Variants in ACO2 observed in about 807,000 individuals in gnomAD.
ACO2 encodes aconitase 2.
Under a neutral mutation model 84.5 loss-of-function variants are expected in ACO2, and 31 were observed. The observed-to-expected ratio is 0.37, with a 90% CI of 0.28 to 0.50. The LOEUF is 0.50. Among genes scored for constraint, ACO2 ranks in the 20% least tolerant of loss-of-function variants. The pLI is 0.97. For missense variants in ACO2, 685 were observed against 1,029.3 expected (o/e 0.67, Z 4.58); for synonymous variants, 414 against 412.7 (o/e 1.00, Z -0.04).
chr22:41,523,066 T>G, intron 10 of ACO2, 79 bp downstream of exon 10: 1 of 1,583,240 alleles, frequency 6.3e-7, no homozygotes, highest in South Asian at 1.2e-5. Context: ...CCCAGAGGCC[T>G]GTTGGGCCGG....
At chr22:41,490,520 T>C (rs1240767258) in intron 1 of ACO2, among the ~76,000 whole-genome samples, 4 of 152,178 alleles carry the variant, frequency 2.6e-5, no homozygotes, top group Admixed American at 2.0e-4. Context: ...GTATGGACAA[T>C]TGGGTTGTTC....
chr22:41,469,286 C>T (rs1462667896), intron 1 of ACO2, 104 bp downstream of exon 1: 2 of 1,397,098 alleles, frequency 1.4e-6, no homozygotes, highest in East Asian at 2.5e-5. Flanking sequence ...CTGGGGCCAA[C>T]TTCTCGTGTA....
chr22:41,478,875 A>G (rs1307704933), intron 1 of ACO2, among the ~76,000 whole-genome samples: 4 of 150,838 alleles, frequency 2.7e-5, no homozygotes, highest in Admixed American at 1.3e-4. Flanking sequence ...GGCTCAAGCA[A>G]TTCTCCTGCC....
chr22:41,473,991 G>A (rs1259298093), intron 1 of ACO2, among the ~76,000 whole-genome samples: 1 of 152,134 alleles, frequency 6.6e-6, no homozygotes, highest in Non-Finnish European at 1.5e-5. Context: ...AAGCCAGGGA[G>A]TGATGTGATC....
chr22:41,527,232 CAGGTG>C, intron 15 of ACO2, 51 bp from the exon 16 acceptor site: 1 of 1,613,178 alleles, frequency 6.2e-7, no homozygotes, highest in Non-Finnish European at 8.5e-7. Flanking sequence ...TAGGGCCAGA[CAGGTG>C]AGGACGGTGC....
chr22:41,525,163 C>G, intron 13 of ACO2, 30 bp from the exon 14 acceptor site: 1 of 1,610,206 alleles, frequency 6.2e-7, no homozygotes, highest in Non-Finnish European at 8.5e-7. Flanking sequence ...GAGGACTCAG[C>G]ACCCCACGCA....
intron 9 of ACO2, 29 bp downstream of exon 9, chr22:41,520,305 C>G (rs1292170710): frequency 6.3e-7 from 1 of 1,578,130 alleles, no homozygotes; most frequent in South Asian, 1.1e-5. Context: ...ATCTGTTTAG[C>G]AGGTCTCAGG....
chr22:41,526,249 C>T lies in ACO2; in HGVS notation c.1762-13C>T. The T allele has an allele frequency of 1.9e-6, 3 of 1,609,870 alleles. No individual in the cohort carries two copies. The highest frequency in any genetic ancestry group is 2.2e-5 in the East Asian group (1 of 44,852). On this transcript the variant is annotated splice_polypyrimidine_tract_variant and intron_variant, in intron 14 of 17. Transcript: ENST00000216254. ...CATGCCCTGACCTCTGTCCTCTCTA[C>T]TTACCACCCAAGGTCAAAGGGAAGT... is the stretch of plus-strand genomic sequence containing the variant.
At chr22:41,495,283 T>A (rs2066304659) in intron 1 of ACO2, among the ~76,000 whole-genome samples, 1 of 152,216 alleles carries the variant, frequency 6.6e-6, no homozygotes, top group Non-Finnish European at 1.5e-5. Context: ...TCCTCCTGCC[T>A]CAGCCTCCCA....
In ACO2 at chr22:41,526,458, G is replaced by C. The variant is rs1219207008; in HGVS notation, c.1953+5G>C. The C allele has an allele frequency of 6.2e-7, 1 of 1,609,220 alleles. No homozygotes were observed. Among genetic ancestry groups the C allele is most frequent in the South Asian group, 1.1e-5 (1 of 90,774 alleles). ...GACACTGCCCGCTACTACAAGGTGG[G>C]TCAGAGTTGATAGGGGCAATGCCAG... On this transcript the variant is annotated splice_donor_5th_base_variant and intron_variant, in intron 15 of 17. Coordinates refer to ENST00000216254, the MANE Select transcript of ACO2 (RefSeq NM_001098.3).
intron 1 of ACO2, among the ~76,000 whole-genome samples, chr22:41,488,057 G>A (rs956193177): frequency 2.0e-5 from 3 of 152,054 alleles, no homozygotes; most frequent in Non-Finnish European, 4.4e-5. Flanking sequence ...CTACTTTTGC[G>A]CTTGATTGCT....
intron 12 of ACO2, 22 bp from the exon 13 acceptor site, chr22:41,524,820 CAACA>C (rs767589500): frequency 6.2e-7 from 1 of 1,614,086 alleles, no homozygotes; most frequent in Non-Finnish European, 8.5e-7. Flanking sequence ...TGGTGCTGAC[CAACA>C]AACTGGCCAC....
At chr22:41,477,386 C>T (rs1173793738) in intron 1 of ACO2, among the ~76,000 whole-genome samples, 1 of 151,576 alleles carries the variant, frequency 6.6e-6, no homozygotes, top group Non-Finnish European at 1.5e-5. Flanking sequence ...GTCTCAATCT[C>T]CTGACCTTGT....
At chr22:41,480,527 G>T (rs909007163) in intron 1 of ACO2, among the ~76,000 whole-genome samples, 1 of 152,118 alleles carries the variant, frequency 6.6e-6, no homozygotes, top group African/African-American at 2.4e-5. Context: ...AAAAACATCT[G>T]CCCGTAATCC....
chr22:41,528,368 G>A, intron 17 of ACO2, 111 bp from the exon 18 acceptor site: 1 of 1,463,356 alleles, frequency 6.8e-7, no homozygotes, highest in Admixed American at 2.1e-5. Context: ...GATTTGGTTT[G>A]CCTGCTGACC....
At chr22:41,472,911 A>T (rs2037963359) in intron 1 of ACO2, among the ~76,000 whole-genome samples, 1 of 152,148 alleles carries the variant, frequency 6.6e-6, no homozygotes, top group Non-Finnish European at 1.5e-5. Context: ...GTTTCATGTG[A>T]CCTTGGGGGA....
intron 1 of ACO2, among the ~76,000 whole-genome samples, chr22:41,499,367 A>G (rs2066337577): frequency 6.6e-6 from 1 of 152,160 alleles, no homozygotes; most frequent in South Asian, 2.1e-4. Context: ...TTATGGTCTT[A>G]TTTAACCTTC....
chr22:41,495,385 C>T (rs1355442281), intron 1 of ACO2, among the ~76,000 whole-genome samples: 4 of 152,012 alleles, frequency 2.6e-5, no homozygotes, highest in South Asian at 4.1e-4. Context: ...CTTGAATTCC[C>T]GGTCTCAAGC....
rs1015341667 is a variant in ACO2, at chr22:41,525,237, C to T, written c.1650C>T (p.Asp550=). ...ACACCTACCAGCACCCACCCAAGGA[C>T]AGCAGCGGGCAGCATGTGGACGTGA... ...GQDTYQHPPK[D]SSGQHVDVSP... The change falls in exon 14 of 18, where the codon GAC becomes GAT. Residue 550 remains aspartate, a synonymous_variant. Coordinates refer to ENST00000216254, the MANE Select transcript of ACO2 (RefSeq NM_001098.3). 1.9e-5 allele frequency: 31 copies of T among 1,614,092 alleles called. No homozygotes were observed. The highest frequency in any genetic ancestry group is 2.5e-5 in the Non-Finnish European group (30 of 1,180,002).
Sources: gnomAD v4.1 joint callset for allele counts (sites outside exome capture counted in the v4.1 genomes callset) on GRCh38, gnomAD v4.1.1 for gene constraint, MANE v1.5 for transcripts, NCBI Gene and HGNC (gene_info 2026-07-23, HGNC 2026-07-21) for gene names.